EYS: variants seen among roughly 807,000 people sequenced by gnomAD.
EYS encodes protein eyes shut homolog.
In EYS, 250 loss-of-function variants were observed where a neutral mutation model predicts 282.1. The ratio of observed to expected loss-of-function variants is 0.89; its 90% CI spans 0.80 to 0.98. The LOEUF is 0.98. Among genes scored for constraint, EYS ranks in the 50% least tolerant of loss-of-function variants. EYS has a pLI of 0.00. For synonymous variants in EYS, 1,355 were observed against 1,282.9 expected (o/e 1.06, Z -1.20); for missense variants, 4,016 against 3,709.0 (o/e 1.08, Z -2.15).
chr6:63,899,238 C>A (rs900707667), intron 35 of EYS, among the ~76,000 whole-genome samples: 3 of 152,278 alleles, frequency 2.0e-5, no homozygotes, highest in South Asian at 2.1e-4. Flanking sequence ...TAATGTACTT[C>A]CCTTCACCCT....
In EYS at chr6:65,582,067, A is replaced by G. The variant is rs528842975; in HGVS notation, c.-333+57711T>C. 4.7e-3 allele frequency among the ~76,000 whole-genome samples: 708 copies of G among 151,738 alleles called. 4 individuals carry two copies. Among genetic ancestry groups the G allele is most frequent in the African/African-American group, 0.016 (670 of 41,400 alleles). Reference sequence around the variant, plus strand: ...ATAAATTAGCCAAGTATGGTGGTGCACACCTGTAATCCCAGCTACTCGGGA... The same window carrying G: ...ATAAATTAGCCAAGTATGGTGGTGCGCACCTGTAATCCCAGCTACTCGGGA... On this transcript the variant is annotated intron_variant, in intron 2 of 42. Coordinates refer to ENST00000503581, the MANE Select transcript of EYS (RefSeq NM_001142800.2).
At chr6:65,286,666 G>A (rs189377903) in intron 12 of EYS, among the ~76,000 whole-genome samples, 3 of 151,666 alleles carry the variant, frequency 2.0e-5, no homozygotes, top group Non-Finnish European at 4.4e-5. Flanking sequence ...TACTAAAAAT[G>A]TTCTGAATAA....
chr6:63,928,747 C>T (rs1057007033), intron 35 of EYS, among the ~76,000 whole-genome samples: 7 of 152,124 alleles, frequency 4.6e-5, no homozygotes, highest in African/African-American at 1.2e-4. Context: ...GTTCTGGTTG[C>T]GCCTGGATCA....
chr6:65,379,401 C>T (rs369417975), intron 8 of EYS, among the ~76,000 whole-genome samples: 47 of 152,020 alleles, frequency 3.1e-4, no homozygotes, highest in African/African-American at 9.9e-4. Context: ...AAAAGGCCTT[C>T]GACGAAATTC....
intron 5 of EYS, among the ~76,000 whole-genome samples, chr6:65,419,116 AT>A (rs35524186): frequency 0.49 from 74,404 of 150,806 alleles, 18,499 homozygotes; most frequent in South Asian, 0.57. Flanking sequence ...TAAGGCAGTC[AT>A]TTTTTTTTCA....
At chr6:65,102,845 T>G (rs972740753) in intron 12 of EYS, among the ~76,000 whole-genome samples, 1 of 151,432 alleles carries the variant, frequency 6.6e-6, no homozygotes, top group African/African-American at 2.4e-5. Context: ...TTCATTGGTC[T>G]TAATTGTTTT....
chr6:65,123,239 T>C (rs576930934), intron 12 of EYS, among the ~76,000 whole-genome samples: 27 of 152,290 alleles, frequency 1.8e-4, no homozygotes, highest in Admixed American at 1.4e-3. Context: ...GCTATTATTT[T>C]TCTAAAGAGA....
intron 12 of EYS, among the ~76,000 whole-genome samples, chr6:65,076,720 A>C (rs912678972): frequency 2.6e-5 from 4 of 151,724 alleles, no homozygotes; most frequent in African/African-American, 9.7e-5. Context: ...ATATATATAC[A>C]TTCTCTCTCC....
intron 15 of EYS, among the ~76,000 whole-genome samples, chr6:64,939,021 G>C (rs1462747208): frequency 6.6e-6 from 1 of 151,672 alleles, no homozygotes; most frequent in Non-Finnish European, 1.5e-5. Context: ...TTATTATTTA[G>C]AAAGATAACT....
At position 64,617,670 on chromosome 6, in the gene EYS, C is replaced by A. The variant is rs576977386; in HGVS notation, c.3569-137G>T. The A allele has an allele frequency of 1.2e-4, 73 of 630,452 alleles. 1 individual carries two copies. In the Admixed American group the frequency reaches 1.6e-3, roughly 14 times the overall value. The allele number at this position is 630,452 out of a possible 1,614,324, so 39.1% of individuals were successfully genotyped here. A position where few individuals can be genotyped will look rare whatever the true frequency, so the allele number is the denominator to read the frequency against. On this transcript the variant is annotated intron_variant, in intron 23 of 42. Coordinates refer to ENST00000503581, the MANE Select transcript of EYS (RefSeq NM_001142800.2). The stretch of plus-strand genomic sequence containing the variant: ...TTTTGTACAAATTACCTCAGTGTAT[C>A]TTCATGATCAGTTTATCAGGTAGCT...
At chr6:64,432,251 G>A (rs1161763228) in intron 28 of EYS, among the ~76,000 whole-genome samples, 1 of 151,990 alleles carries the variant, frequency 6.6e-6, no homozygotes, top group East Asian at 1.9e-4. Context: ...TTAAGATATT[G>A]ACTCAAATTA....
intron 30 of EYS, among the ~76,000 whole-genome samples, chr6:64,234,470 G>C (rs1766522556): frequency 6.6e-6 from 1 of 152,054 alleles, no homozygotes; most frequent in Non-Finnish European, 1.5e-5. Flanking sequence ...GATTCTATCA[G>C]TTTGTAACTG....
chr6:64,350,555 A>T (rs769893917), intron 29 of EYS, among the ~76,000 whole-genome samples: 2 of 151,648 alleles, frequency 1.3e-5, no homozygotes, highest in East Asian at 3.9e-4. Flanking sequence ...CTCCTCTGGC[A>T]TGTCACACAT....
At position 64,543,495 on chromosome 6, in the gene EYS, A is replaced by G. The variant is rs73455426; in HGVS notation, c.5644+46728T>C. 7.4e-3 allele frequency among the ~76,000 whole-genome samples: 1,125 copies of G among 152,212 alleles called. 13 individuals are homozygous for G. The highest frequency in any genetic ancestry group is 0.023 in the African/African-American group (958 of 41,556). ...AATTTTTCTTAAAATTCAAAATTCA[A>G]ATGATAGTTGTGGTATTATAAATTT... On this transcript the variant is annotated intron_variant, in intron 26 of 42. Transcript: ENST00000503581.
intron 5 of EYS, among the ~76,000 whole-genome samples, chr6:65,456,253 C>A (rs1308339233): frequency 6.6e-6 from 1 of 151,990 alleles, no homozygotes; most frequent in African/African-American, 2.4e-5. Context: ...GAGAGCGAGA[C>A]CATTCTGGCC....
chr6:65,392,767 T>C (rs991980779), intron 7 of EYS, among the ~76,000 whole-genome samples: 5 of 151,248 alleles, frequency 3.3e-5, no homozygotes, highest in Admixed American at 2.7e-4. Context: ...AGTGTGGCGA[T>C]TCCTCAGGGA....
chr6:64,556,649 A>G (rs1029551486), intron 26 of EYS, among the ~76,000 whole-genome samples: 2 of 152,024 alleles, frequency 1.3e-5, no homozygotes, highest in Admixed American at 1.3e-4. Context: ...TTAATTTTAG[A>G]AAACTTCTCA....
intron 22 of EYS, among the ~76,000 whole-genome samples, chr6:64,711,777 C>T (rs1771221373): frequency 6.6e-6 from 1 of 152,154 alleles, no homozygotes; most frequent in South Asian, 2.1e-4. Context: ...ACTTGCGCCC[C>T]TCCGAAGTCA....
At chr6:63,746,899 T>A (rs1769222687) in intron 41 of EYS, among the ~76,000 whole-genome samples, 1 of 152,178 alleles carries the variant, frequency 6.6e-6, no homozygotes, top group African/African-American at 2.4e-5. Flanking sequence ...GACTTATTGA[T>A]TTGTTGAAGG....
Sources: gnomAD v4.1 joint callset for allele counts (sites outside exome capture counted in the v4.1 genomes callset) on GRCh38, gnomAD v4.1.1 for gene constraint, MANE v1.5 for transcripts, NCBI Gene and HGNC (gene_info 2026-07-23, HGNC 2026-07-21) for gene names.